Variants in CDYL observed in about 807,000 individuals in gnomAD.
The protein encoded by CDYL is chromodomain Y-like protein.
CDYL carries 8 observed loss-of-function variants against 47.3 expected under a neutral mutation model. That is an observed-to-expected ratio of 0.17 (90% confidence interval 0.10 to 0.31). CDYL has a LOEUF of 0.31. Ranked by LOEUF, CDYL falls within the 10% of genes least tolerant of loss-of-function variation. The pLI is 1.00. For missense variants in CDYL, 471 were observed against 701.4 expected, an observed-to-expected ratio of 0.67 and a Z score of 3.71; for synonymous variants, 266 against 265.0, an observed-to-expected ratio of 1.00 and a Z score of -0.04.
At chr6:4,840,340 G>C (rs1000147041) in intron 1 of CDYL, among the ~76,000 whole-genome samples, 7 of 152,132 alleles carry the variant, frequency 4.6e-5, no homozygotes, top group Non-Finnish European at 1.0e-4. Flanking sequence ...ATATGATCAT[G>C]TCATCAGCAA....
At chr6:4,925,202 G>A (rs1488630862) in intron 2 of CDYL, among the ~76,000 whole-genome samples, 2 of 152,120 alleles carry the variant, frequency 1.3e-5, no homozygotes, top group African/African-American at 2.4e-5. Context: ...GTGCATAAAT[G>A]TGTGACATTC....
chr6:4,842,020 T>A (rs1351432324), intron 1 of CDYL, among the ~76,000 whole-genome samples: 1 of 145,532 alleles, frequency 6.9e-6, no homozygotes, highest in Admixed American at 6.9e-5. Context: ...TATATTTGTA[T>A]TATTTGTAAT....
chr6:4,783,455 C>T (rs1028102354), intron 1 of CDYL, among the ~76,000 whole-genome samples: 19 of 145,052 alleles, frequency 1.3e-4, no homozygotes, highest in East Asian at 1.2e-3. Context: ...TCACTCTTGT[C>T]GCCCAGGCTG....
At chr6:4,849,396 G>A (rs1238631146) in intron 1 of CDYL, among the ~76,000 whole-genome samples, 1 of 152,190 alleles carries the variant, frequency 6.6e-6, no homozygotes. Flanking sequence ...TCTGACAAAT[G>A]CAAGTGCTTT....
At chr6:4,742,600 G>A (rs1757816893) in intron 3 of CDYL, among the ~76,000 whole-genome samples, 1 of 152,086 alleles carries the variant, frequency 6.6e-6, no homozygotes, top group Non-Finnish European at 1.5e-5. Flanking sequence ...AAAAGAAAAA[G>A]GAAGAGAGAA....
At chr6:4,795,146 T>C (rs896197229) in intron 1 of CDYL, among the ~76,000 whole-genome samples, 2 of 148,278 alleles carry the variant, frequency 1.3e-5, no homozygotes, top group Admixed American at 6.6e-5. Context: ...TGTTAGATGC[T>C]CTTTTTTAAA....
At chr6:4,826,360 G>A (rs1042553166) in intron 1 of CDYL, among the ~76,000 whole-genome samples, 5 of 151,510 alleles carry the variant, frequency 3.3e-5, no homozygotes, top group Non-Finnish European at 5.9e-5. Flanking sequence ...TATCTTACCC[G>A]TAATCTTTAT....
chr6:4,747,216 A>C (rs1582306742), intron 3 of CDYL, among the ~76,000 whole-genome samples: 1 of 151,216 alleles, frequency 6.6e-6, no homozygotes, highest in Admixed American at 6.6e-5. Context: ...TTGAGGCAGG[A>C]GAATTGCTTG....
At chr6:4,937,965 C>T (rs1758248617) in intron 4 of CDYL, among the ~76,000 whole-genome samples, 1 of 152,240 alleles carries the variant, frequency 6.6e-6, no homozygotes, top group Admixed American at 6.5e-5. Flanking sequence ...TGAATTACTA[C>T]TTGCCTTGGG....
chr6:4,715,833 T>G, exon 2 of CDYL: 2 of 1,614,124 alleles, frequency 1.2e-6, no homozygotes, highest in Non-Finnish European at 1.7e-6. Context: ...GAAGAAAAAC[T>G]GGCAATACGA....
At chr6:4,934,130 G>A (rs1047719228) in intron 2 of CDYL, among the ~76,000 whole-genome samples, 4 of 152,150 alleles carry the variant, frequency 2.6e-5, no homozygotes, top group Non-Finnish European at 4.4e-5. Context: ...CCAGGGTGGT[G>A]GAGAAGTCTG....
chr6:4,876,207 T>C (rs1761617068), intron 1 of CDYL, among the ~76,000 whole-genome samples: 1 of 152,224 alleles, frequency 6.6e-6, no homozygotes, highest in African/African-American at 2.4e-5. Context: ...TTACAAAGTA[T>C]TTTTTGATAA....
chr6:4,785,785 T>C (rs1758739987), intron 1 of CDYL, among the ~76,000 whole-genome samples: 1 of 152,214 alleles, frequency 6.6e-6, no homozygotes. Context: ...CTGGCACCTT[T>C]AGCATGTTAG....
At chr6:4,793,207 GTACT>G (rs1200622151) in intron 1 of CDYL, among the ~76,000 whole-genome samples, 1 of 152,138 alleles carries the variant, frequency 6.6e-6, no homozygotes, top group Admixed American at 6.5e-5. Context: ...ACTGGGGTTG[GTACT>G]GCATCGCGTT....
chr6:4,737,637 T>A (rs922786261), intron 3 of CDYL, among the ~76,000 whole-genome samples: 1 of 148,220 alleles, frequency 6.7e-6, no homozygotes, highest in East Asian at 2.0e-4. Flanking sequence ...AAAAAAAAAA[T>A]AGCCTCAGCC....
intron 1 of CDYL, among the ~76,000 whole-genome samples, chr6:4,843,688 T>C (rs1055036717): frequency 2.0e-4 from 31 of 152,114 alleles, no homozygotes; most frequent in African/African-American, 7.5e-4. Flanking sequence ...TTATTTTTTA[T>C]TTATGCTATT....
At chr6:4,910,651 A>G (rs538935304) in intron 2 of CDYL, among the ~76,000 whole-genome samples, 2 of 152,296 alleles carry the variant, frequency 1.3e-5, no homozygotes, top group South Asian at 2.1e-4. Context: ...AGGAGCGAGC[A>G]TGTCTGGTTG....
rs146265626 is a variant in CDYL, at chr6:4,947,124, C to G, written c.1332+3368C>G. Among the ~76,000 whole-genome samples, 682 of 152,318 alleles carry G rather than the reference C, an allele frequency of 4.5e-3. 4 individuals are homozygous for G. The highest frequency in any genetic ancestry group is 0.015 in the African/African-American group (615 of 41,566). On this transcript the variant is annotated intron_variant, in intron 5 of 6. Transcript: ENST00000397588. ...CTCCCACCTGCACCCTTGGCTGGGT[C>G]GTGCAGCCCGTTTCAGGGAAGAGGC...
intron 1 of CDYL, among the ~76,000 whole-genome samples, chr6:4,798,493 T>C (rs1433803666): frequency 6.6e-6 from 1 of 152,220 alleles, no homozygotes; most frequent in Non-Finnish European, 1.5e-5. Context: ...TTACCTTTGA[T>C]AGTTCTGTAG....
Sources: gnomAD v4.1 joint callset for allele counts (sites outside exome capture counted in the v4.1 genomes callset) on GRCh38, gnomAD v4.1.1 for gene constraint, MANE v1.5 for transcripts, NCBI Gene and HGNC (gene_info 2026-07-23, HGNC 2026-07-21) for gene names.